ZNF486: variants seen among roughly 807,000 people sequenced by gnomAD.
ZNF486 encodes zinc finger protein 486.
Under a neutral mutation model 12.8 loss-of-function variants are expected in ZNF486, and 12 were observed. The ratio of observed to expected loss-of-function variants is 0.94; its 90% CI spans 0.60 to 1.52. The LOEUF is 1.52. Among genes scored for constraint, ZNF486 ranks in the 40% most tolerant of loss-of-function variants. ZNF486 has a pLI of 0.00. For missense variants in ZNF486, 738 were observed against 545.0 expected (o/e 1.35, Z -3.53); for synonymous variants, 231 against 184.9 (o/e 1.25, Z -2.02).
In ZNF486 at chr19:20,187,313, A is replaced by G. The variant is rs1399778520; in HGVS notation, c.253+1231A>G. Reference sequence around the variant, plus strand: ...GTACTATTTATTGATTTTTAAATACAAGATTATACGATCTACAAACAGCGA... The same window carrying G: ...GTACTATTTATTGATTTTTAAATACGAGATTATACGATCTACAAACAGCGA... On this transcript the variant is annotated intron_variant, in intron 3 of 3. Coordinates refer to ENST00000335117, the MANE Select transcript of ZNF486 (RefSeq NM_052852.4). Among the ~76,000 whole-genome samples, 6 of 152,090 alleles carry G rather than the reference A, an allele frequency of 3.9e-5. No homozygotes were observed. In the East Asian group the frequency reaches 7.7e-4, roughly 20 times the overall value.
intron 3 of ZNF486, among the ~76,000 whole-genome samples, chr19:20,193,686 TG>T (rs2089926252): frequency 6.6e-6 from 1 of 152,100 alleles, no homozygotes; most frequent in Non-Finnish European, 1.5e-5. Context: ...ATATGTCTTT[TG>T]ATTGGAAAGA....
At chr19:20,168,007 G>A (rs1174006652) in intron 1 of ZNF486, among the ~76,000 whole-genome samples, 3 of 152,052 alleles carry the variant, frequency 2.0e-5, no homozygotes, top group African/African-American at 7.2e-5. Context: ...AGCTTAGATT[G>A]TGCGGTCTGA....
chr19:20,176,144 G>A, intron 1 of ZNF486: 1 of 184,878 alleles, frequency 5.4e-6, no homozygotes, highest in Non-Finnish European at 1.1e-5. Context: ...TCACCTCCCA[G>A]ACGGGGTCGC....
At chr19:20,195,643 T>G (rs1191115502) in intron 3 of ZNF486, among the ~76,000 whole-genome samples, 1 of 152,232 alleles carries the variant, frequency 6.6e-6, no homozygotes, top group Non-Finnish European at 1.5e-5. Flanking sequence ...TAATATAGCT[T>G]TGTCCTGGCG....
At chr19:20,184,786 G>C (rs565135946) in intron 2 of ZNF486, among the ~76,000 whole-genome samples, 1 of 152,156 alleles carries the variant, frequency 6.6e-6, no homozygotes, top group South Asian at 2.1e-4. Flanking sequence ...ATCAGTTTTT[G>C]ATTCAGTAGT....
chr19:20,185,754 A>G (rs2089835782), intron 2 of ZNF486, among the ~76,000 whole-genome samples: 1 of 150,560 alleles, frequency 6.6e-6, no homozygotes, highest in Non-Finnish European at 1.5e-5. Flanking sequence ...TAAATATAAG[A>G]TTGTATGATC....
chr19:20,193,502 A>T (rs1555717481), intron 3 of ZNF486, among the ~76,000 whole-genome samples: 1 of 152,018 alleles, frequency 6.6e-6, no homozygotes. Flanking sequence ...TCTACTAAAA[A>T]ATACAAACAT....
At chr19:20,184,876 C>G (rs1286688250) in intron 2 of ZNF486, among the ~76,000 whole-genome samples, 3 of 152,134 alleles carry the variant, frequency 2.0e-5, no homozygotes, top group Admixed American at 6.5e-5. Context: ...CTTTGGGAGG[C>G]TGAGACGGGC....
intron 3 of ZNF486, 66 bp downstream of exon 3, chr19:20,186,148 G>C (rs912444850): frequency 4.0e-6 from 5 of 1,254,690 alleles, no homozygotes; most frequent in Non-Finnish European, 5.4e-6. Flanking sequence ...CAAAAAGAAA[G>C]CCAGTCCTTA....
chr19:20,185,802 C>CA (rs58776855), intron 2 of ZNF486, among the ~76,000 whole-genome samples, 185 bp from the exon 3 acceptor site: 9,180 of 116,758 alleles, frequency 0.079, 814 homozygotes, highest in African/African-American at 0.22. Context: ...ACTCCATCTC[C>CA]AAAAAAAAAA....
In ZNF486 at chr19:20,175,742, G is replaced by C. The variant is rs113558098; in HGVS notation, c.30+8382G>C. ...TCCCATGTCTACTTCTTTCTACACA[G>C]ACACGGCAACCATCCGATTTCTCAG... On this transcript the variant is annotated intron_variant, in intron 1 of 3. Transcript: ENST00000335117. Among the ~76,000 whole-genome samples the C allele has an allele frequency of 6.5e-3, 997 of 152,292 alleles. 11 individuals are homozygous for C. Among genetic ancestry groups the C allele is most frequent in the African/African-American group, 0.022 (918 of 41,550 alleles).
At chr19:20,170,396 G>C (rs1186491882) in intron 1 of ZNF486, among the ~76,000 whole-genome samples, 2 of 151,960 alleles carry the variant, frequency 1.3e-5, no homozygotes, top group East Asian at 3.9e-4. Context: ...TGAAAACATG[G>C]TGTCTACTAA....
intron 3 of ZNF486, among the ~76,000 whole-genome samples, chr19:20,190,928 A>T (rs1469814956): frequency 6.6e-6 from 1 of 152,298 alleles, no homozygotes; most frequent in South Asian, 2.1e-4. Flanking sequence ...ATTTCTCATG[A>T]ACGGCATGGT....
chr19:20,190,447 T>C (rs538449982), intron 3 of ZNF486, among the ~76,000 whole-genome samples: 2 of 152,334 alleles, frequency 1.3e-5, no homozygotes, highest in South Asian at 4.1e-4. Flanking sequence ...TGCTGTGGCA[T>C]AATTTTGGCT....
At chr19:20,175,803 A>C (rs980848405) in intron 1 of ZNF486, among the ~76,000 whole-genome samples, 106 of 152,324 alleles carry the variant, frequency 7.0e-4, no homozygotes, top group African/African-American at 2.5e-3. Context: ...CTATTCCACA[A>C]AACAGCCATT....
At chr19:20,191,767 C>T (rs1157555623) in intron 3 of ZNF486, among the ~76,000 whole-genome samples, 2 of 152,082 alleles carry the variant, frequency 1.3e-5, no homozygotes, top group African/African-American at 4.8e-5. Context: ...AGGACTCTGT[C>T]TCAAAAACAA....
intron 1 of ZNF486, among the ~76,000 whole-genome samples, chr19:20,179,596 C>T (rs1456487595): frequency 6.6e-6 from 1 of 151,988 alleles, no homozygotes; most frequent in Non-Finnish European, 1.5e-5. Flanking sequence ...CCAAGTTGAT[C>T]CTACCTAGAA....
At position 20,197,829 on chromosome 19, in the gene ZNF486, T is replaced by C. The variant is rs1555718314; in HGVS notation, c.1119T>C (p.Thr373=). Residue 373 remains threonine (T), a synonymous_variant, in exon 4 of 4, where the codon ACT becomes ACC. Coordinates refer to ENST00000335117, the MANE Select transcript of ZNF486 (RefSeq NM_052852.4). ...TTACTATGCATAAGATAATTCATAC[T>C]GGAGAGAAACCATACAAATGTGAAG... The part of the protein sequence containing the change: ...SHLTMHKIIH[T]GEKPYKCEEC... 1.2e-6 allele frequency: 2 copies of C among 1,613,742 alleles called. No homozygotes were observed. The highest frequency in any genetic ancestry group is 1.3e-5 in the African/African-American group (1 of 75,034).
At chr19:20,177,724 G>A (rs1482978251) in intron 1 of ZNF486, among the ~76,000 whole-genome samples, 1 of 152,148 alleles carries the variant, frequency 6.6e-6, no homozygotes, top group Non-Finnish European at 1.5e-5. Context: ...GCAGGCATGT[G>A]CCACCATGCC....
Sources: gnomAD v4.1 joint callset for allele counts (sites outside exome capture counted in the v4.1 genomes callset) on GRCh38, gnomAD v4.1.1 for gene constraint, MANE v1.5 for transcripts, NCBI Gene and HGNC (gene_info 2026-07-23, HGNC 2026-07-21) for gene names.